The following FAM169A variants were observed in gnomAD, a reference collection of about 807,000 sequenced individuals.
FAM169A encodes the protein family with sequence similarity 169 member A.
Under a neutral mutation model 75.7 loss-of-function variants are expected in FAM169A, and 24 were observed. That is an observed-to-expected ratio of 0.32 (90% confidence interval 0.23 to 0.45). The LOEUF is 0.45. Ranked by LOEUF, FAM169A falls within the 20% of genes least tolerant of loss-of-function variation. The pLI is 1.00. For missense variants in FAM169A, 673 were observed against 784.0 expected (o/e 0.86, Z 1.69); for synonymous variants, 271 against 271.0 (o/e 1.00, Z 0.00).
intron 1 of FAM169A, among the ~76,000 whole-genome samples, chr5:74,847,465 C>T (rs1042000024): frequency 6.6e-6 from 1 of 152,136 alleles, no homozygotes; most frequent in Admixed American, 6.6e-5. Flanking sequence ...ATCAGAATCT[C>T]AACTCATTTT....
At chr5:74,856,734 AG>A (rs1432041272) in intron 1 of FAM169A, among the ~76,000 whole-genome samples, 2 of 151,300 alleles carry the variant, frequency 1.3e-5, no homozygotes, top group African/African-American at 4.9e-5. Context: ...CCATCTAGGG[AG>A]GGAAAAACAT....
intron 10 of FAM169A, among the ~76,000 whole-genome samples, chr5:74,797,446 G>C (rs962348544): frequency 6.6e-6 from 1 of 152,040 alleles, no homozygotes; most frequent in Non-Finnish European, 1.5e-5. Context: ...CAAAGTGCTG[G>C]GATTACAGGC....
At chr5:74,835,500 G>A (rs1234270467) in intron 4 of FAM169A, among the ~76,000 whole-genome samples, 1 of 150,552 alleles carries the variant, frequency 6.6e-6, no homozygotes, top group African/African-American at 2.5e-5. Flanking sequence ...TATTCAGGAC[G>A]CTAAAGGGGG....
In FAM169A at chr5:74,799,539, C is replaced by T. The variant is rs1746451838; in HGVS notation, c.1103+1341G>A. ...AAGAAGTGGATGAAAAGCTGGCCAG[C>T]ATGCCCTGGGACAGCAAGATGCTTT... On this transcript the variant is annotated intron_variant, in intron 10 of 12. Transcript: ENST00000687041. 5.8e-6 allele frequency: 9 copies of T among 1,541,878 alleles called. No individual in the cohort carries two copies. In the South Asian group the frequency reaches 1.0e-4, roughly 17 times the overall value.
chr5:74,788,680 G>A (rs1326035523), intron 11 of FAM169A, among the ~76,000 whole-genome samples: 2 of 151,638 alleles, frequency 1.3e-5, no homozygotes, highest in African/African-American at 2.4e-5. Flanking sequence ...ACTCCAGCCT[G>A]GGCAACAACA....
At chr5:74,832,400 A>T (rs1039075173) in intron 5 of FAM169A, among the ~76,000 whole-genome samples, 1 of 151,844 alleles carries the variant, frequency 6.6e-6, no homozygotes, top group Non-Finnish European at 1.5e-5. Context: ...TTGACCTCAT[A>T]AACAAAGTCT....
In FAM169A at chr5:74,781,263, C is replaced by A; in HGVS notation, c.*197G>T. Reference sequence around the variant, plus strand: ...AATAAAAATAAAAAATTGCATTTACCAAAAATAGCCTGGAAAATTAAAAAC... The same window carrying A: ...AATAAAAATAAAAAATTGCATTTACAAAAAATAGCCTGGAAAATTAAAAAC... On this transcript the variant is annotated 3_prime_UTR_variant, in exon 13 of 13. Transcript: ENST00000687041. 3 of 487,212 alleles carry A rather than the reference C, an allele frequency of 6.2e-6. No homozygotes were observed. Among genetic ancestry groups the A allele is most frequent in the South Asian group, 4.8e-5 (1 of 20,684 alleles). The allele number at this position is 487,212 out of a possible 1,614,324, so 30.2% of individuals were successfully genotyped here. A position where few individuals can be genotyped will look rare whatever the true frequency, so the allele number is the denominator to read the frequency against.
At chr5:74,852,534 C>G (rs2112716817) in intron 1 of FAM169A, among the ~76,000 whole-genome samples, 1 of 151,984 alleles carries the variant, frequency 6.6e-6, no homozygotes, top group Middle Eastern at 3.4e-3. Context: ...GGAGGAAGAG[C>G]TGCCACAGAT....
intron 5 of FAM169A, among the ~76,000 whole-genome samples, chr5:74,834,009 C>T (rs1453123786): frequency 1.3e-5 from 2 of 152,098 alleles, no homozygotes. Context: ...ATATGTCAGG[C>T]TGAATGAGGT....
At chr5:74,840,037 A>G (rs933755422) in intron 3 of FAM169A, 37 bp downstream of exon 3, 1 of 1,118,430 alleles carries the variant, frequency 8.9e-7, no homozygotes, top group African/African-American at 1.6e-5. Context: ...GTTTGGAGAA[A>G]AATTCCTTAA....
At chr5:74,866,732 G>T, upstream of FAM169A, 1 of 985,260 alleles carries the variant, frequency 1.0e-6, no homozygotes, top group Non-Finnish European at 1.2e-6. Context: ...CTGATTTTGC[G>T]TATTCCTTTA....
chr5:74,806,976 C>A (rs1746917424), intron 6 of FAM169A, among the ~76,000 whole-genome samples: 1 of 152,082 alleles, frequency 6.6e-6, no homozygotes, highest in Admixed American at 6.5e-5. Context: ...TGACAAGCAC[C>A]AAGAAGAATA....
chr5:74,854,875 G>A (rs528731004), intron 1 of FAM169A, among the ~76,000 whole-genome samples: 3 of 152,248 alleles, frequency 2.0e-5, no homozygotes, highest in East Asian at 3.9e-4. Flanking sequence ...CACTCACGTT[G>A]CTTTCAAATC....
Position 74,841,604 on chromosome 5 carries a change from A to T in FAM169A, c.73T>A (p.Ser25Thr), listed in dbSNP as rs756728145. The T allele has an allele frequency of 6.2e-7, 1 of 1,613,180 alleles. No individual in the cohort carries two copies. ...TCAGGGTCCCCACACCTTAAATCTGACATGTAATCTTCAGCAGAATTTTCC... is the reference window on the plus strand; with the variant it reads ...TCAGGGTCCCCACACCTTAAATCTGTCATGTAATCTTCAGCAGAATTTTCC... ...ELENSAEDYMSDLRCGDPENP... is the reference protein window; with the variant it reads ...ELENSAEDYMTDLRCGDPENP... The change falls in exon 2 of 13, where the codon TCA becomes ACA. Residue 25 changes from serine to threonine, a missense_variant. Ser to Thr is a moderately conservative substitution (Grantham distance 58, BLOSUM62 1). This residue lies in a region of FAM169A where 56 missense variants were observed against 52.2 expected (regional missense o/e 1.07). Coordinates refer to ENST00000687041, the MANE Select transcript of FAM169A (RefSeq NM_001376049.1).
chr5:74,831,602 G>A (rs1164231312), intron 5 of FAM169A, among the ~76,000 whole-genome samples: 2 of 152,020 alleles, frequency 1.3e-5, no homozygotes, highest in Admixed American at 6.6e-5. Context: ...AATCTGAAAT[G>A]CCCCAACAAG....
intron 10 of FAM169A, among the ~76,000 whole-genome samples, chr5:74,798,153 A>C (rs991571518): frequency 6.6e-6 from 1 of 152,230 alleles, no homozygotes; most frequent in African/African-American, 2.4e-5. Flanking sequence ...CTGTATCCAC[A>C]GCATTCTGCA....
chr5:74,865,209 G>A (rs1750253366), intron 1 of FAM169A: 1 of 152,200 alleles, frequency 6.6e-6, no homozygotes, highest in African/African-American at 2.4e-5. Context: ...AAATTCTCAG[G>A]AACCTTGAAA....
intron 9 of FAM169A, 27 bp downstream of exon 9, chr5:74,801,563 T>TA: frequency 6.4e-7 from 1 of 1,554,316 alleles, no homozygotes; most frequent in South Asian, 1.1e-5. Flanking sequence ...CTCAAATACT[T>TA]ACTGATATAT....
chr5:74,840,165 A>C lies in FAM169A; in HGVS notation c.141T>G (p.Ile47Met). The C allele has an allele frequency of 1.3e-6, 2 of 1,532,640 alleles. No individual in the cohort carries two copies. Among genetic ancestry groups the C allele is most frequent in the Non-Finnish European group, 1.8e-6 (2 of 1,128,998 alleles). 94.9% of individuals were successfully genotyped at this position (1,532,640 alleles called of 1,614,324 possible). A position where few individuals can be genotyped will look rare whatever the true frequency, so the allele number is the denominator to read the frequency against. ...GTACAAAGCCTACATTTGACAGGCT[A>C]ATAGGAATCTGAAATGACAAATTAA... ...CFSLLNITIP[I>M]SLSNVGFVPL... The change falls in exon 3 of 13, where the codon ATT (isoleucine) becomes ATG (methionine). Residue 47 changes from isoleucine (I) to methionine (M), a missense_variant. By Grantham distance (10) the Ile-to-Met change is conservative. Coordinates refer to ENST00000687041, the MANE Select transcript of FAM169A (RefSeq NM_001376049.1).
Sources: allele counts gnomAD v4.1 joint callset (sites outside exome capture counted in the v4.1 genomes callset), GRCh38; gene constraint gnomAD v4.1.1; regional missense constraint gnomAD v4.1.1; transcripts MANE v1.5; gene names NCBI Gene and HGNC (gene_info 2026-07-23, HGNC 2026-07-21).